The following RNF150 variants were observed in gnomAD, a reference collection of about 807,000 sequenced individuals.
RNF150 encodes ring finger protein 150.
RNF150 carries 24 observed loss-of-function variants against 39.3 expected under a neutral mutation model. The observed-to-expected ratio is 0.61, with a 90% CI of 0.44 to 0.86. RNF150 has a LOEUF of 0.86. Among genes scored for constraint, RNF150 ranks in the 40% least tolerant of loss-of-function variants. RNF150 has a pLI of 0.00. For synonymous variants in RNF150, 255 were observed against 227.3 expected (o/e 1.12, Z -1.10); for missense variants, 502 against 587.8 (o/e 0.85, Z 1.51).
At chr4:140,933,996 T>C (rs758438269) in intron 4 of RNF150, among the ~76,000 whole-genome samples, 1 of 152,200 alleles carries the variant, frequency 6.6e-6, no homozygotes, top group Non-Finnish European at 1.5e-5. Context: ...TCATATTTAT[T>C]TATTTATTTT....
intron 1 of RNF150, among the ~76,000 whole-genome samples, chr4:141,212,010 C>T (rs75419016): frequency 0.02 from 3,087 of 152,214 alleles, 101 homozygotes; most frequent in African/African-American, 0.069. Flanking sequence ...TGAGGCTTCA[C>T]GGGATAACCT....
intron 1 of RNF150, among the ~76,000 whole-genome samples, chr4:141,172,914 T>C (rs1399502149): frequency 6.6e-6 from 1 of 151,892 alleles, no homozygotes; most frequent in African/African-American, 2.4e-5. Context: ...TGATCCCAGC[T>C]ACTAGGGAGC....
intron 1 of RNF150, among the ~76,000 whole-genome samples, chr4:141,141,433 T>A (rs1357273796): frequency 1.7e-4 from 26 of 152,222 alleles, no homozygotes; most frequent in Admixed American, 1.7e-3. Flanking sequence ...AAATTCTGGT[T>A]GAGGAAGCTA....
chr4:140,929,981 C>A lies in RNF150; in HGVS notation c.891-3908G>T, dbSNP rs576877474. Among the ~76,000 whole-genome samples, 220 of 152,112 alleles carry A rather than the reference C, an allele frequency of 1.4e-3. 2 individuals are homozygous for A. Among genetic ancestry groups the A allele is most frequent in the African/African-American group, 4.9e-3 (205 of 41,488 alleles). On this transcript the variant is annotated intron_variant, in intron 4 of 6. Coordinates refer to ENST00000515673, the MANE Select transcript of RNF150 (RefSeq NM_020724.2). The stretch of plus-strand genomic sequence containing the variant: ...TTTGAGACTAGGCTGGCCACCGTGG[C>A]GAAACCCTGTCTCTACTAAAAATGC...
At chr4:141,048,315 C>T (rs774702973) in intron 1 of RNF150, among the ~76,000 whole-genome samples, 3 of 152,154 alleles carry the variant, frequency 2.0e-5, no homozygotes, top group Non-Finnish European at 2.9e-5. Flanking sequence ...TGAAATGAGA[C>T]GTCTCCCTTT....
intron 1 of RNF150, among the ~76,000 whole-genome samples, chr4:141,073,673 A>G (rs569355615): frequency 6.6e-6 from 1 of 151,330 alleles, no homozygotes; most frequent in Admixed American, 6.6e-5. Flanking sequence ...CGGGGGGGGA[A>G]GTCTAGGGAA....
At chr4:140,993,475 A>AT (rs2111484140) in intron 1 of RNF150, among the ~76,000 whole-genome samples, 1 of 152,324 alleles carries the variant, frequency 6.6e-6, no homozygotes, top group South Asian at 2.1e-4. Context: ...GGTTCTGGAC[A>AT]TTTTTGGCAG....
At chr4:141,090,787 C>T (rs11734545) in intron 1 of RNF150, among the ~76,000 whole-genome samples, 105,916 of 152,082 alleles carry the variant, frequency 0.7, 38,215 homozygotes, top group Non-Finnish European at 0.8. Context: ...TTTTCAGGAA[C>T]GATGGCCAAT....
intron 1 of RNF150, among the ~76,000 whole-genome samples, chr4:141,159,003 A>G (rs1727467291): frequency 6.6e-6 from 1 of 152,228 alleles, no homozygotes; most frequent in African/African-American, 2.4e-5. Flanking sequence ...TCGTTTCATA[A>G]AAGAAAGTGT....
rs554894309 is a variant in RNF150 at position 140,958,037 on chromosome 4, G to A, written c.736-8665C>T. Among the ~76,000 whole-genome samples the A allele has an allele frequency of 3.4e-3, 523 of 151,828 alleles. 2 individuals are homozygous for A. The highest frequency in any genetic ancestry group is 0.011 in the African/African-American group (466 of 41,400). On this transcript the variant is annotated intron_variant, in intron 2 of 6. Transcript: ENST00000515673. ...GTGCACATGTACCCTAAAACTTAAA[G>A]TATAATAATTTAAAAAAATAACAAA... is the stretch of plus-strand genomic sequence containing the variant.
chr4:140,861,941 C>A lies in RNF150; in HGVS notation c.*6320G>T, dbSNP rs572901499. On this transcript the variant is annotated 3_prime_UTR_variant, in exon 7 of 7. Coordinates refer to ENST00000515673, the MANE Select transcript of RNF150 (RefSeq NM_020724.2). ...AATCAACAGTCTGCAACAGAAAACC[C>A]CATAAGGTTTAATGGTTTCATTCAA... 6.6e-6 allele frequency: 1 copy of A among 152,170 alleles called. No individual in the cohort carries two copies. The highest frequency in any genetic ancestry group is 1.5e-5 in the Non-Finnish European group (1 of 68,030). The allele number at this position is 152,170 out of a possible 1,614,324, so 9.4% of individuals were successfully genotyped here.
chr4:140,899,129 A>G (rs1730078671), intron 6 of RNF150, among the ~76,000 whole-genome samples: 1 of 152,154 alleles, frequency 6.6e-6, no homozygotes, highest in Non-Finnish European at 1.5e-5. Flanking sequence ...CATTCAAAAC[A>G]TTGATCTTAG....
At chr4:141,124,587 C>A (rs1726702104) in intron 1 of RNF150, among the ~76,000 whole-genome samples, 1 of 152,038 alleles carries the variant, frequency 6.6e-6, no homozygotes, top group Non-Finnish European at 1.5e-5. Flanking sequence ...ACAGAATGGT[C>A]CAGATGAATA....
chr4:140,982,507 A>G (rs1181997120), intron 1 of RNF150, among the ~76,000 whole-genome samples: 1 of 145,030 alleles, frequency 6.9e-6, no homozygotes, highest in Non-Finnish European at 1.5e-5. Context: ...TGAAGTATGT[A>G]GCACAGACTT....
At chr4:140,967,224 T>C (rs1310722458) in intron 2 of RNF150, among the ~76,000 whole-genome samples, 1 of 152,150 alleles carries the variant, frequency 6.6e-6, no homozygotes, top group African/African-American at 2.4e-5. Flanking sequence ...TTTTGTACCA[T>C]GGGTATACAT....
chr4:141,024,316 G>C (rs901842901), intron 1 of RNF150, among the ~76,000 whole-genome samples: 10 of 152,188 alleles, frequency 6.6e-5, no homozygotes, highest in African/African-American at 2.2e-4. Flanking sequence ...GTCTTAAGAA[G>C]AGATTTAAAA....
chr4:141,047,676 T>C (rs977171017), intron 1 of RNF150, among the ~76,000 whole-genome samples: 7 of 152,148 alleles, frequency 4.6e-5, no homozygotes, highest in African/African-American at 1.7e-4. Flanking sequence ...CCAAATCACA[T>C]GCACAGGATT....
chr4:141,198,357 A>G (rs188527424), intron 1 of RNF150, among the ~76,000 whole-genome samples: 1 of 152,250 alleles, frequency 6.6e-6, no homozygotes, highest in East Asian at 1.9e-4. Context: ...GTCTCTTTTC[A>G]TAGATCCTGA....
chr4:140,989,402 A>G (rs2111475345), intron 1 of RNF150, among the ~76,000 whole-genome samples: 1 of 152,298 alleles, frequency 6.6e-6, no homozygotes, highest in Admixed American at 6.5e-5. Flanking sequence ...ACCACAGAGT[A>G]CTACTTCTGG....
Sources: allele counts gnomAD v4.1 joint callset (sites outside exome capture counted in the v4.1 genomes callset), GRCh38; gene constraint gnomAD v4.1.1; transcripts MANE v1.5; gene names NCBI Gene and HGNC (gene_info 2026-07-23, HGNC 2026-07-21).